The following PCCA variants were observed in gnomAD, a reference collection of about 807,000 sequenced individuals.
PCCA encodes propionyl-CoA carboxylase alpha chain, mitochondrial.
In PCCA, 74 loss-of-function variants were observed where a neutral mutation model predicts 101.3. That is an observed-to-expected ratio of 0.73 (90% CI 0.61 to 0.89). PCCA has a LOEUF of 0.89. Ranked by LOEUF, PCCA falls within the 40% of genes least tolerant of loss-of-function variation. The pLI is 0.00. For synonymous variants in PCCA, 294 were observed against 313.6 expected (o/e 0.94, Z 0.66); for missense variants, 891 against 907.0 (o/e 0.98, Z 0.23).
intron 8 of PCCA, among the ~76,000 whole-genome samples, chr13:100,247,609 G>T (rs1021061748): frequency 6.6e-6 from 1 of 150,474 alleles, no homozygotes; most frequent in African/African-American, 2.5e-5. Flanking sequence ...TGCCTCCCGG[G>T]TTCAAGCAAT....
intron 8 of PCCA, 69 bp downstream of exon 8, chr13:100,235,947 A>G: frequency 1.1e-6 from 1 of 928,640 alleles, no homozygotes; most frequent in Non-Finnish European, 1.8e-6. Flanking sequence ...TCAACAGGTA[A>G]TAAGTAATTC....
At chr13:100,517,414 T>C (rs1050524793) in intron 22 of PCCA, among the ~76,000 whole-genome samples, 2 of 152,182 alleles carry the variant, frequency 1.3e-5, no homozygotes, top group Non-Finnish European at 2.9e-5. Context: ...AAGCAAGGCA[T>C]TTCGTAAATG....
rs113445948 is a variant in PCCA, at chr13:100,371,311, A to G, written c.1746+2737A>G. Among the ~76,000 whole-genome samples the G allele has an allele frequency of 6.1e-3, 926 of 152,354 alleles. 7 individuals carry two copies. The highest frequency in any genetic ancestry group is 0.02 in the African/African-American group (845 of 41,578). On this transcript the variant is annotated intron_variant, in intron 19 of 23. Transcript: ENST00000376285. ...TTTAGGCAAAGCAATTTCATTTACAATAGAATGAAAAGGACTAAAATACTT... is the reference window on the plus strand; with the variant it reads ...TTTAGGCAAAGCAATTTCATTTACAGTAGAATGAAAAGGACTAAAATACTT...
intron 6 of PCCA, among the ~76,000 whole-genome samples, chr13:100,170,649 T>G (rs1172696055): frequency 6.6e-6 from 1 of 152,254 alleles, no homozygotes; most frequent in Non-Finnish European, 1.5e-5. Context: ...AGCTTTTTAT[T>G]CAGTCCTTTA....
chr13:100,519,269 C>G (rs1283558671), intron 22 of PCCA, among the ~76,000 whole-genome samples: 1 of 152,180 alleles, frequency 6.6e-6, no homozygotes, highest in Non-Finnish European at 1.5e-5. Context: ...ATTAGTGAAA[C>G]CAGGTGAAAG....
At chr13:100,177,563 G>A (rs1251136450) in intron 6 of PCCA, among the ~76,000 whole-genome samples, 1 of 152,118 alleles carries the variant, frequency 6.6e-6, no homozygotes, top group Non-Finnish European at 1.5e-5. Flanking sequence ...GTTTTATTCT[G>A]TTATACACAT....
rs962359970 is a variant in PCCA at position 100,394,401 on chromosome 13, C to T, written c.1746+25827C>T. 6.6e-6 allele frequency among the ~76,000 whole-genome samples: 1 copy of T among 151,942 alleles called. No homozygotes were observed. The highest frequency in any genetic ancestry group is 1.9e-4 in the East Asian group (1 of 5,184). ...TTCAGCGAGGTTCCTTTTGCATCAG[C>T]GCTGGTTCTTGGTGGCAGTCAGAGG... On this transcript the variant is annotated intron_variant, in intron 19 of 23. Coordinates refer to ENST00000376285, the MANE Select transcript of PCCA (RefSeq NM_000282.4). The surrounding 1 kb of genome is among the most constrained non-coding windows in gnomAD (Gnocchi z 4.3).
intron 19 of PCCA, among the ~76,000 whole-genome samples, chr13:100,377,609 C>T (rs1339329337): frequency 6.6e-6 from 1 of 152,154 alleles, no homozygotes; most frequent in Non-Finnish European, 1.5e-5. Context: ...ATTCTCCTGC[C>T]TCAGCCTCTC....
At chr13:100,521,969 C>T (rs1594129311) in intron 22 of PCCA, among the ~76,000 whole-genome samples, 1 of 152,194 alleles carries the variant, frequency 6.6e-6, no homozygotes, top group East Asian at 1.9e-4. Context: ...CATAAAAATT[C>T]TTCCTCCCAC....
intron 4 of PCCA, among the ~76,000 whole-genome samples, chr13:100,118,107 C>G (rs2048996382): frequency 6.9e-6 from 1 of 143,888 alleles, no homozygotes; most frequent in Admixed American, 7.0e-5. Context: ...CAGAGCAAGA[C>G]TCCATCTCAA....
intron 21 of PCCA, chr13:100,480,371 G>T (rs1361972960): frequency 6.6e-6 from 1 of 152,118 alleles, no homozygotes; most frequent in Non-Finnish European, 1.5e-5. Flanking sequence ...AGGCTGAGAC[G>T]CATACACAGT....
At chr13:100,512,203 C>A (rs1390684312) in intron 21 of PCCA, among the ~76,000 whole-genome samples, 1 of 152,158 alleles carries the variant, frequency 6.6e-6, no homozygotes, top group Non-Finnish European at 1.5e-5. Flanking sequence ...GCTCTTGTGG[C>A]CTTCCTCCTG....
At chr13:100,473,518 G>C (rs1354219383) in intron 21 of PCCA, among the ~76,000 whole-genome samples, 1 of 152,118 alleles carries the variant, frequency 6.6e-6, no homozygotes, top group Non-Finnish European at 1.5e-5. Flanking sequence ...CTATTTCTTA[G>C]GTTACACTCT....
In PCCA at chr13:100,323,846, G is replaced by T. The variant is rs1161757283; in HGVS notation, c.1430-6715G>T. Among the ~76,000 whole-genome samples the T allele has an allele frequency of 2.0e-5, 3 of 152,122 alleles. No homozygotes were observed. In the East Asian group the frequency reaches 5.8e-4, roughly 29 times the overall value. On this transcript the variant is annotated intron_variant, in intron 16 of 23. Transcript: ENST00000376285. Reference sequence around the variant, plus strand: ...ATCATGCATAATAGGTTCTATTATTGTTAATTTACAAATGAGGAAACTAAA... The same window carrying T: ...ATCATGCATAATAGGTTCTATTATTTTTAATTTACAAATGAGGAAACTAAA...
In PCCA at chr13:100,186,100, A is replaced by G. The variant is rs117937999; in HGVS notation, c.469-23232A>G. The stretch of plus-strand genomic sequence containing the variant: ...ATCTAGTTAAAATAGCTTTGAATCA[A>G]TATTTTATCATTCTTTTTCAGCATT... On this transcript the variant is annotated intron_variant, in intron 6 of 23. Transcript: ENST00000376285. Among the ~76,000 whole-genome samples the G allele has an allele frequency of 1.0e-3, 154 of 152,334 alleles. 1 individual carries two copies. In the East Asian group the frequency reaches 0.027, roughly 27 times the overall value.
intron 8 of PCCA, among the ~76,000 whole-genome samples, chr13:100,250,453 T>A (rs1417095969): frequency 3.3e-5 from 5 of 152,246 alleles, no homozygotes; most frequent in Non-Finnish European, 7.4e-5. Context: ...TATTGGATTT[T>A]TTAGTCATTT....
intron 21 of PCCA, among the ~76,000 whole-genome samples, chr13:100,465,526 G>T (rs1412617358): frequency 6.6e-6 from 1 of 152,170 alleles, no homozygotes; most frequent in Admixed American, 6.5e-5. Context: ...TTTAGATTCA[G>T]TCTGAGTTAT....
intron 21 of PCCA, among the ~76,000 whole-genome samples, chr13:100,488,976 C>T (rs535113363): frequency 3.2e-4 from 49 of 152,210 alleles, no homozygotes; most frequent in African/African-American, 1.2e-3. Context: ...TACTCTAGAT[C>T]AGATCTGCAA....
chr13:100,217,014 C>G (rs1261202115), intron 7 of PCCA, among the ~76,000 whole-genome samples: 1 of 149,550 alleles, frequency 6.7e-6, no homozygotes, highest in African/African-American at 2.5e-5. Context: ...GAGGCTGAGG[C>G]CTGAGAATCC....
Sources: gnomAD v4.1 joint callset for allele counts (sites outside exome capture counted in the v4.1 genomes callset) on GRCh38, gnomAD v4.1.1 for gene constraint, Gnocchi (gnomAD v3.1) non-coding constraint, MANE v1.5 for transcripts, NCBI Gene and HGNC (gene_info 2026-07-23, HGNC 2026-07-21) for gene names.